Variants in SEPTIN2 observed in about 807,000 individuals in gnomAD.
SEPTIN2 encodes septin 2.
SEPTIN2 carries 34 observed loss-of-function variants against 46.5 expected under a neutral mutation model. The ratio of observed to expected loss-of-function variants is 0.73; its 90% CI spans 0.56 to 0.97. The LOEUF (loss-of-function observed/expected upper bound fraction) is 0.97, where lower values mean the gene tolerates loss of function less well. Ranked by LOEUF, SEPTIN2 falls within the 50% of genes least tolerant of loss-of-function variation. The pLI is 0.00. For synonymous variants in SEPTIN2, 175 were observed against 153.4 expected (o/e 1.14, Z -1.04); for missense variants, 347 against 448.4 (o/e 0.77, Z 2.04).
intron 1 of SEPTIN2, among the ~76,000 whole-genome samples, chr2:241,320,578 G>C (rs182685288): frequency 2.6e-4 from 39 of 152,296 alleles, no homozygotes; most frequent in Admixed American, 3.9e-4. Context: ...AGGATCACCT[G>C]AGGTCAGGAA....
intron 3 of SEPTIN2, among the ~76,000 whole-genome samples, chr2:241,327,082 A>G (rs2078111263): frequency 6.8e-6 from 1 of 147,242 alleles, no homozygotes; most frequent in African/African-American, 2.5e-5. Context: ...AAAAAAATCC[A>G]GGCATTTACA....
Position 241,316,481 on chromosome 2 carries a change from G to C in SEPTIN2, c.-18+499G>C, listed in dbSNP as rs951876801. 7.3e-6 allele frequency: 11 copies of C among 1,505,834 alleles called. No individual in the cohort carries two copies. The African/African-American group carries it at 1.3e-4, about 17-fold the overall frequency. 93.3% of individuals were successfully genotyped at this position (1,505,834 alleles called of 1,614,324 possible). On this transcript the variant is annotated intron_variant, in intron 1 of 12. Coordinates refer to ENST00000391971, the MANE Select transcript of SEPTIN2 (RefSeq NM_004404.5). ...CCCATCGGCTGGATGCCGTGGATAA[G>C]CGAGGGGAGAGCGACTAGGCCCTGT...
Position 241,325,973 on chromosome 2 carries a change from T to C in SEPTIN2, c.10-20T>C. 1 of 1,606,490 alleles carries C rather than the reference T, an allele frequency of 6.2e-7. No homozygotes were observed. Among genetic ancestry groups the C allele is most frequent in the African/African-American group, 1.3e-5 (1 of 74,530 alleles). ...CTACTAAGGTGTTTATTAGTTTGTT[T>C]GTTTTTTAATCTTATTTAGCAACAG... On this transcript the variant is annotated intron_variant, in intron 2 of 12. Coordinates refer to ENST00000391971, the MANE Select transcript of SEPTIN2 (RefSeq NM_004404.5).
chr2:241,339,935 A>C (rs554714310), intron 7 of SEPTIN2, among the ~76,000 whole-genome samples: 1 of 152,318 alleles, frequency 6.6e-6, no homozygotes, highest in African/African-American at 2.4e-5. Context: ...TCACTTATGT[A>C]TTCCCAGAGT....
Position 241,353,991 on chromosome 2 carries a change from C to T in SEPTIN2, c.*2054C>T, listed in dbSNP as rs954378617. The T allele has an allele frequency of 1.3e-5, 2 of 152,242 alleles. No homozygotes were observed. The highest frequency in any genetic ancestry group is 4.8e-5 in the African/African-American group (2 of 41,448). 9.4% of individuals were successfully genotyped at this position (152,242 alleles called of 1,614,324 possible). Reference sequence around the variant, plus strand: ...GCAATTTTGTATCCATTTAAACTAACCTTTTATCAATAAAGCACTATTGTT... The same window carrying T: ...GCAATTTTGTATCCATTTAAACTAATCTTTTATCAATAAAGCACTATTGTT... On this transcript the variant is annotated 3_prime_UTR_variant, in exon 13 of 13. Transcript: ENST00000391971.
Position 241,342,982 on chromosome 2 carries a change from A to G in SEPTIN2, c.595-10A>G. The stretch of plus-strand genomic sequence containing the variant: ...TGCTAAAATTGATCCTGGTTTTGTC[A>G]TTCTCTCAGATTCTGGATGAAATTG... On this transcript the variant is annotated splice_polypyrimidine_tract_variant and intron_variant, in intron 7 of 12. Coordinates refer to ENST00000391971, the MANE Select transcript of SEPTIN2 (RefSeq NM_004404.5). The G allele has an allele frequency of 6.6e-7, 1 of 1,518,932 alleles. No homozygotes were observed. Among genetic ancestry groups the G allele is most frequent in the Non-Finnish European group, 9.1e-7 (1 of 1,098,840 alleles). 94.1% of individuals were successfully genotyped at this position (1,518,932 alleles called of 1,614,324 possible).
intron 3 of SEPTIN2, among the ~76,000 whole-genome samples, chr2:241,329,742 C>T (rs962721822): frequency 2.0e-5 from 3 of 152,302 alleles, no homozygotes; most frequent in African/African-American, 7.2e-5. Context: ...TGGAACGGTA[C>T]CTCACATTCT....
chr2:241,337,164 A>G (rs758223552), intron 5 of SEPTIN2: 40 of 514,434 alleles, frequency 7.8e-5, no homozygotes, highest in Non-Finnish European at 1.2e-4. Flanking sequence ...AACCTATTCC[A>G]TTCAGGCTTT....
chr2:241,334,352 T>G (rs1282433360), intron 3 of SEPTIN2, among the ~76,000 whole-genome samples: 2 of 152,228 alleles, frequency 1.3e-5, no homozygotes, highest in Non-Finnish European at 2.9e-5. Flanking sequence ...GGATTTGTGC[T>G]TCCTTCAAAT....
At chr2:241,317,942 G>T (rs2076609191) in intron 1 of SEPTIN2, among the ~76,000 whole-genome samples, 1 of 152,072 alleles carries the variant, frequency 6.6e-6, no homozygotes, top group Non-Finnish European at 1.5e-5. Context: ...CTACATTTTT[G>T]GTCCAATTTG....
intron 7 of SEPTIN2, among the ~76,000 whole-genome samples, chr2:241,342,106 G>T (rs1189852655): frequency 6.6e-6 from 1 of 152,156 alleles, no homozygotes; most frequent in Non-Finnish European, 1.5e-5. Context: ...GGTGTTGATG[G>T]AACTCTCCAC....
intron 3 of SEPTIN2, among the ~76,000 whole-genome samples, chr2:241,327,723 A>G (rs1350866423): frequency 1.3e-5 from 2 of 152,024 alleles, no homozygotes; most frequent in Admixed American, 6.6e-5. Flanking sequence ...GTAATAAGCA[A>G]ATAGACCATA....
At chr2:241,322,863 A>G (rs903960835) in intron 1 of SEPTIN2, among the ~76,000 whole-genome samples, 2 of 152,144 alleles carry the variant, frequency 1.3e-5, no homozygotes, top group African/African-American at 2.4e-5. Flanking sequence ...AGAGAGGGGA[A>G]ATGACATAAT....
intron 7 of SEPTIN2, among the ~76,000 whole-genome samples, chr2:241,340,036 A>G (rs565346231): frequency 6.6e-6 from 1 of 152,376 alleles, no homozygotes; most frequent in South Asian, 2.1e-4. Context: ...TGTGTGAGCC[A>G]AACGAATTCT....
intron 9 of SEPTIN2, among the ~76,000 whole-genome samples, chr2:241,345,067 T>C (rs531815261): frequency 1.3e-5 from 2 of 151,930 alleles, no homozygotes; most frequent in African/African-American, 4.8e-5. Context: ...GAGCCGGGAT[T>C]GCGCCACTGC....
intron 10 of SEPTIN2, chr2:241,346,564 A>G (rs1404026029): frequency 6.1e-6 from 1 of 164,446 alleles, no homozygotes; most frequent in Admixed American, 6.3e-5. Context: ...ATGAGATTAC[A>G]TGGTGAAGTC....
chr2:241,327,400 T>C (rs1382255202), intron 3 of SEPTIN2, among the ~76,000 whole-genome samples: 1 of 145,970 alleles, frequency 6.9e-6, no homozygotes, highest in African/African-American at 2.5e-5. Flanking sequence ...AGAAGCACAG[T>C]AAGGGAAAAG....
At chr2:241,335,245 T>C (rs1452835340) in intron 4 of SEPTIN2, 33 bp downstream of exon 4, 3 of 1,605,682 alleles carry the variant, frequency 1.9e-6, no homozygotes, top group Non-Finnish European at 2.6e-6. Flanking sequence ...GTAAGTGTAA[T>C]TCTACATGAA....
chr2:241,342,636 C>T (rs1208518444), intron 7 of SEPTIN2, among the ~76,000 whole-genome samples: 3 of 148,450 alleles, frequency 2.0e-5, no homozygotes, highest in Admixed American at 1.4e-4. Context: ...CCCGGGTTCA[C>T]GCCATTCTCC....
Sources: allele counts gnomAD v4.1 joint callset (sites outside exome capture counted in the v4.1 genomes callset), GRCh38; gene constraint gnomAD v4.1.1; transcripts MANE v1.5; gene names NCBI Gene and HGNC (gene_info 2026-07-23, HGNC 2026-07-21).